LRP1B: variants seen among roughly 807,000 people sequenced by gnomAD.
The protein encoded by LRP1B is low-density lipoprotein receptor-related protein 1B.
In LRP1B, 217 loss-of-function variants were observed where a neutral mutation model predicts 556.6. That is an observed-to-expected ratio of 0.39 (90% CI 0.35 to 0.44). The LOEUF (loss-of-function observed/expected upper bound fraction) is 0.44, where lower values mean the gene tolerates loss of function less well. Among genes scored for constraint, LRP1B ranks in the 20% least tolerant of loss-of-function variants. The pLI is 1.00. For missense variants in LRP1B, 5,053 were observed against 5,620.8 expected (o/e 0.90, Z 3.23); for synonymous variants, 2,047 against 1,865.8 (o/e 1.10, Z -2.50).
intron 7 of LRP1B, among the ~76,000 whole-genome samples, chr2:141,155,130 G>A (rs577663628): frequency 6.6e-6 from 1 of 151,968 alleles, no homozygotes; most frequent in Non-Finnish European, 1.5e-5. Flanking sequence ...CTGACCACTT[G>A]TTAGAGTGGA....
intron 41 of LRP1B, among the ~76,000 whole-genome samples, chr2:140,654,519 TAAGAA>T (rs752260913): frequency 3.2e-4 from 49 of 152,206 alleles, no homozygotes; most frequent in African/African-American, 6.0e-4. Context: ...GACATCTTCT[TAAGAA>T]AAGAAACCAT....
chr2:141,941,888 G>A (rs1435585), intron 1 of LRP1B, among the ~76,000 whole-genome samples: 118,304 of 152,126 alleles, frequency 0.78, 47,998 homozygotes, highest in East Asian at 1. Context: ...GATGAGTACC[G>A]TATAAGATTC....
chr2:141,925,349 T>C (rs1466385332), intron 1 of LRP1B, among the ~76,000 whole-genome samples: 2 of 152,178 alleles, frequency 1.3e-5, no homozygotes, highest in Non-Finnish European at 2.9e-5. Flanking sequence ...TTCTCTATTA[T>C]AAGACTATAA....
At chr2:142,108,565 G>A (rs1344563544) in intron 1 of LRP1B, among the ~76,000 whole-genome samples, 2 of 152,062 alleles carry the variant, frequency 1.3e-5, no homozygotes, top group Non-Finnish European at 2.9e-5. Flanking sequence ...TTATTTCATG[G>A]CACTATTGTT....
intron 32 of LRP1B, among the ~76,000 whole-genome samples, chr2:140,795,151 T>G (rs910341373): frequency 6.6e-6 from 1 of 152,168 alleles, no homozygotes; most frequent in Non-Finnish European, 1.5e-5. Context: ...TAAAGAGCCT[T>G]CTTGTAAAGG....
chr2:140,429,003 C>T (rs1032646759), intron 66 of LRP1B, among the ~76,000 whole-genome samples: 10 of 152,142 alleles, frequency 6.6e-5, no homozygotes, highest in African/African-American at 1.9e-4. Context: ...TTTGCGTTCT[C>T]CTCTTGTATC....
At chr2:142,109,828 A>C (rs560600374) in intron 1 of LRP1B, among the ~76,000 whole-genome samples, 1 of 152,244 alleles carries the variant, frequency 6.6e-6, no homozygotes, top group East Asian at 1.9e-4. Context: ...GGATTATTTT[A>C]TTTAAACGGG....
chr2:140,859,408 T>C (rs1692720793), intron 27 of LRP1B, among the ~76,000 whole-genome samples: 1 of 152,096 alleles, frequency 6.6e-6, no homozygotes, highest in Admixed American at 6.6e-5. Context: ...ATATAACATT[T>C]TTTATTGTGA....
intron 37 of LRP1B, among the ~76,000 whole-genome samples, chr2:140,710,430 CTG>C (rs2105448518): frequency 6.6e-6 from 1 of 151,954 alleles, no homozygotes; most frequent in African/African-American, 2.4e-5. Flanking sequence ...AAATAAATAA[CTG>C]TAAAGGATAT....
chr2:141,660,869 C>T (rs1316275612), intron 2 of LRP1B, among the ~76,000 whole-genome samples: 4 of 152,158 alleles, frequency 2.6e-5, no homozygotes, highest in Non-Finnish European at 5.9e-5. Flanking sequence ...TGCCTCCTGA[C>T]TGGGTGAGAC....
intron 43 of LRP1B, among the ~76,000 whole-genome samples, chr2:140,554,890 G>C (rs982832291): frequency 1.4e-5 from 2 of 142,548 alleles, no homozygotes; most frequent in African/African-American, 5.2e-5. Flanking sequence ...GTGTGTATAT[G>C]TATATGAACT....
intron 3 of LRP1B, among the ~76,000 whole-genome samples, chr2:141,333,325 C>T (rs1687727284): frequency 6.6e-6 from 1 of 152,082 alleles, no homozygotes; most frequent in Admixed American, 6.5e-5. Context: ...GAATCATTTA[C>T]CTCATCTAGG....
chr2:141,260,194 T>A (rs1558966162), intron 3 of LRP1B, among the ~76,000 whole-genome samples: 1 of 152,094 alleles, frequency 6.6e-6, no homozygotes, highest in Non-Finnish European at 1.5e-5. Context: ...TCATAAGAAA[T>A]AAGGATTTTC....
intron 86 of LRP1B, among the ~76,000 whole-genome samples, chr2:140,249,630 T>C (rs1389737679): frequency 3.3e-5 from 5 of 151,840 alleles, no homozygotes; most frequent in Non-Finnish European, 2.9e-5. Context: ...TTATACTCCT[T>C]ATAAAATAAT....
chr2:140,986,467 A>G (rs1227404897), intron 17 of LRP1B, among the ~76,000 whole-genome samples: 1 of 152,170 alleles, frequency 6.6e-6, no homozygotes, highest in Non-Finnish European at 1.5e-5. Flanking sequence ...ATACCCAGCA[A>G]GAGTGTATGA....
At chr2:141,289,924 G>A (rs1272179091) in intron 3 of LRP1B, among the ~76,000 whole-genome samples, 1 of 152,122 alleles carries the variant, frequency 6.6e-6, no homozygotes, top group African/African-American at 2.4e-5. Flanking sequence ...CATTACATGT[G>A]TGTTTATTTT....
intron 1 of LRP1B, among the ~76,000 whole-genome samples, chr2:141,884,902 A>G (rs181238192): frequency 4.6e-5 from 7 of 152,302 alleles, no homozygotes; most frequent in Admixed American, 3.9e-4. Flanking sequence ...ATTCATCAGA[A>G]AACAAAATTT....
At chr2:141,181,247 C>G (rs1680977361) in intron 7 of LRP1B, among the ~76,000 whole-genome samples, 1 of 151,804 alleles carries the variant, frequency 6.6e-6, no homozygotes, top group African/African-American at 2.4e-5. Flanking sequence ...TACCTTATGA[C>G]CGTAGAGGAA....
chr2:140,961,926 A>G (rs561830560), intron 18 of LRP1B, among the ~76,000 whole-genome samples: 1 of 152,184 alleles, frequency 6.6e-6, no homozygotes, highest in Admixed American at 6.5e-5. Context: ...TAAGAGTTAA[A>G]AATACTTGCC....
Sources: allele counts gnomAD v4.1 joint callset (sites outside exome capture counted in the v4.1 genomes callset), GRCh38; gene constraint gnomAD v4.1.1; transcripts MANE v1.5; gene names NCBI Gene and HGNC (gene_info 2026-07-23, HGNC 2026-07-21).